TMEM223: variants seen among roughly 807,000 people sequenced by gnomAD.
TMEM223 encodes transmembrane protein 223.
A neutral mutation model predicts 14.1 loss-of-function variants in TMEM223; 14 were observed. That is an observed-to-expected ratio of 0.99 (90% CI 0.66 to 1.55). The LOEUF is 1.55. TMEM223 is among the 40% of genes most tolerant of loss of function. TMEM223 has a pLI of 0.00. For missense variants in TMEM223, 346 were observed against 269.9 expected (o/e 1.28, Z -1.97); for synonymous variants, 145 against 120.5 (o/e 1.20, Z -1.33).
exon 2 of TMEM223, chr11:62,774,635 T>A: frequency 4.4e-6 from 2 of 455,240 alleles, no homozygotes; most frequent in South Asian, 3.1e-5. Flanking sequence ...CATCAGCTGC[T>A]GTTTTTGTCG....
intron 1 of TMEM223, chr11:62,781,707 A>G (rs2084231239): frequency 1.8e-6 from 1 of 553,306 alleles, no homozygotes; most frequent in South Asian, 1.9e-5. Flanking sequence ...ATTCAGGGCC[A>G]TATGCAGGTA....
chr11:62,783,556 C>CG (rs1161920629), downstream of TMEM223, among the ~76,000 whole-genome samples: 1 of 138,810 alleles, frequency 7.2e-6, no homozygotes, highest in East Asian at 2.2e-4. Flanking sequence ...TTTTTTGAGA[C>CG]GGAGTTTTGC....
chr11:62,789,927 G>C (rs772937136), downstream of TMEM223: 4 of 1,613,984 alleles, frequency 2.5e-6, no homozygotes, highest in Non-Finnish European at 2.5e-6. Context: ...GTGTGGTCTT[G>C]GTGCTCCAGG....
chr11:62,777,923 T>G, intron 1 of TMEM223: 1 of 1,593,298 alleles, frequency 6.3e-7, no homozygotes, highest in Non-Finnish European at 8.6e-7. Flanking sequence ...TCCTGGATCC[T>G]GACGCCTGCT....
chr11:62,788,715 G>A (rs1165485337), downstream of TMEM223, among the ~76,000 whole-genome samples: 2 of 147,672 alleles, frequency 1.4e-5, no homozygotes, highest in Middle Eastern at 3.7e-3. Flanking sequence ...ATAGTTATTT[G>A]TTGAAGGATA....
In TMEM223 at chr11:62,773,182, C is replaced by G. The variant is rs192252130; in HGVS notation, c.386-1050G>C. On this transcript the variant is annotated intron_variant, in intron 2 of 2. Coordinates refer to the TMEM223 transcript ENST00000528367. ...TTTTTTTTTGAGATGGAGTCTTGCTCTGTCGCCCAGGCTGGAGTGCAGTGG... is the reference window on the plus strand; with the variant it reads ...TTTTTTTTTGAGATGGAGTCTTGCTGTGTCGCCCAGGCTGGAGTGCAGTGG... 3.0e-4 allele frequency among the ~76,000 whole-genome samples: 45 copies of G among 150,852 alleles called. 1 individual carries two copies. In the East Asian group the frequency reaches 8.6e-3, roughly 29 times the overall value.
At position 62,790,472 on chromosome 11, in the gene TMEM223, C is replaced by A; in HGVS notation, c.*151G>T. 1 of 630,644 alleles carries A rather than the reference C, an allele frequency of 1.6e-6. No individual in the cohort carries two copies. The allele number at this position is 630,644 out of a possible 1,614,324, so 39.1% of individuals were successfully genotyped here. A position where few individuals can be genotyped will look rare whatever the true frequency, so the allele number is the denominator to read the frequency against. ...TTTTTTGTAAATAGAGACAAGGTCT[C>A]GCTATGTTGCCCAGCCTGGGCTCGA... On this transcript the variant is annotated 3_prime_UTR_variant, in exon 2 of 2. Coordinates refer to ENST00000307366, the MANE Select transcript of TMEM223 (RefSeq NM_001080501.3).
chr11:62,786,843 G>C, downstream of TMEM223: 1 of 1,598,936 alleles, frequency 6.3e-7, no homozygotes, highest in Non-Finnish European at 8.5e-7. Context: ...CCGGGGACAA[G>C]AAGGAGCCGG....
chr11:62,774,232 A>G (rs1322600981), intron 2 of TMEM223, among the ~76,000 whole-genome samples: 1 of 151,910 alleles, frequency 6.6e-6, no homozygotes, highest in South Asian at 2.1e-4. Context: ...GCCCGCCACC[A>G]AGCCCAGCTA....
chr11:62,789,699 G>A (rs772565837), downstream of TMEM223: 3 of 1,530,960 alleles, frequency 2.0e-6, no homozygotes, highest in Admixed American at 4.3e-5. Context: ...AAGGATAGGA[G>A]GAAAAACTGA....
chr11:62,776,038 A>G (rs2084186032), intron 1 of TMEM223: 1 of 1,338,618 alleles, frequency 7.5e-7, no homozygotes, highest in Non-Finnish European at 1.0e-6. Flanking sequence ...CCTGCTCCAT[A>G]CAACAGAGAC....
chr11:62,787,365 C>G, downstream of TMEM223: 1 of 1,537,762 alleles, frequency 6.5e-7, no homozygotes, highest in South Asian at 1.2e-5. Flanking sequence ...CTTCGTGGGT[C>G]GCGCCGGATA....
chr11:62,784,126 C>T (rs2084252236), downstream of TMEM223, among the ~76,000 whole-genome samples: 1 of 142,074 alleles, frequency 7.0e-6, no homozygotes, highest in South Asian at 2.3e-4. Flanking sequence ...GTAGCTGGGA[C>T]TTACAGGCAC....
At chr11:62,782,330 TCTG>T in intron 1 of TMEM223, 1 of 1,613,220 alleles carries the variant, frequency 6.2e-7, no homozygotes, top group Non-Finnish European at 8.5e-7. Flanking sequence ...AGCCACATCT[TCTG>T]GTAGCCACTG....
chr11:62,772,409 G>C (rs1480630753), intron 2 of TMEM223, among the ~76,000 whole-genome samples: 1 of 151,972 alleles, frequency 6.6e-6, no homozygotes, highest in Non-Finnish European at 1.5e-5. Context: ...TGTAGTCCTA[G>C]CTACTCGGGA....
chr11:62,787,422 T>C (rs775082168), downstream of TMEM223: 2 of 1,559,826 alleles, frequency 1.3e-6, no homozygotes, highest in South Asian at 2.3e-5. Context: ...TTCCTGGTGG[T>C]CAGGGCGCCA....
intron 1 of TMEM223, among the ~76,000 whole-genome samples, chr11:62,781,046 G>C (rs1201496147): frequency 6.6e-6 from 1 of 151,388 alleles, no homozygotes; most frequent in Non-Finnish European, 1.5e-5. Flanking sequence ...GACTAGCCTG[G>C]TCAACATGGC....
chr11:62,786,746 T>G, downstream of TMEM223: 1 of 1,613,046 alleles, frequency 6.2e-7, no homozygotes, highest in Non-Finnish European at 8.5e-7. Flanking sequence ...CTGGCCGACA[T>G]CTACCGGGAG....
chr11:62,781,276 C>G (rs1049436495), intron 1 of TMEM223, among the ~76,000 whole-genome samples: 50 of 151,878 alleles, frequency 3.3e-4, no homozygotes, highest in African/African-American at 1.2e-3. Flanking sequence ...AAAGTCTATT[C>G]CTCCACCTAC....
Sources: gnomAD v4.1 joint callset for allele counts (sites outside exome capture counted in the v4.1 genomes callset) on GRCh38, gnomAD v4.1.1 for gene constraint, MANE v1.5 for transcripts, NCBI Gene and HGNC (gene_info 2026-07-23, HGNC 2026-07-21) for gene names.